The following PTPRD variants were observed in gnomAD, a reference collection of about 807,000 sequenced individuals.
PTPRD encodes the protein protein tyrosine phosphatase receptor type D.
Under a neutral mutation model 214.5 loss-of-function variants are expected in PTPRD, and 34 were observed. That is an observed-to-expected ratio of 0.16 (90% confidence interval 0.12 to 0.21). The LOEUF (loss-of-function observed/expected upper bound fraction) is 0.21. Ranked by LOEUF, PTPRD falls within the 10% of genes least tolerant of loss-of-function variation. PTPRD has a pLI of 1.00. For missense variants in PTPRD, 2,545 were observed against 2,398.7 expected, an observed-to-expected ratio of 1.06 and a Z score of -1.27; for synonymous variants, 1,128 against 845.7, an observed-to-expected ratio of 1.33 and a Z score of -5.79.
chr9:9,177,911 T>A (rs868308000), intron 10 of PTPRD, among the ~76,000 whole-genome samples: 6 of 152,136 alleles, frequency 3.9e-5, no homozygotes, highest in African/African-American at 7.2e-5. Flanking sequence ...CAGACACTAT[T>A]TGATACATGG....
intron 9 of PTPRD, among the ~76,000 whole-genome samples, chr9:9,189,207 G>GA (rs1569560441): frequency 6.6e-6 from 1 of 151,912 alleles, no homozygotes; most frequent in Non-Finnish European, 1.5e-5. Flanking sequence ...AGGTGCTTTT[G>GA]AAAAAATATC....
chr9:9,734,813 T>A (rs1433862616), intron 6 of PTPRD, among the ~76,000 whole-genome samples: 1 of 152,082 alleles, frequency 6.6e-6, no homozygotes, highest in African/African-American at 2.4e-5. Flanking sequence ...TAGAAAATAT[T>A]TTTTCCAATT....
chr9:9,645,765 C>A (rs1407231790), intron 7 of PTPRD, among the ~76,000 whole-genome samples: 1 of 151,872 alleles, frequency 6.6e-6, no homozygotes, highest in East Asian at 1.9e-4. Context: ...TAATATCCAC[C>A]ATTTTAACAT....
chr9:10,283,069 C>A (rs1565010419), intron 3 of PTPRD, among the ~76,000 whole-genome samples: 1 of 151,906 alleles, frequency 6.6e-6, no homozygotes, highest in Non-Finnish European at 1.5e-5. Flanking sequence ...TATTCTCCAG[C>A]TTGAAATTTA....
chr9:8,675,079 C>A (rs184569772), intron 12 of PTPRD, among the ~76,000 whole-genome samples: 1 of 152,170 alleles, frequency 6.6e-6, no homozygotes, highest in East Asian at 1.9e-4. Context: ...ATTTTAAGCA[C>A]CAATGCAGAT....
intron 7 of PTPRD, among the ~76,000 whole-genome samples, chr9:9,651,005 G>A (rs774168852): frequency 5.9e-5 from 9 of 151,542 alleles, no homozygotes; most frequent in East Asian, 1.9e-4. Context: ...ATTTATCTTC[G>A]CAAAAAGACT....
chr9:10,167,164 T>C (rs914726531), intron 3 of PTPRD, among the ~76,000 whole-genome samples: 5 of 151,668 alleles, frequency 3.3e-5, no homozygotes, highest in African/African-American at 4.8e-5. Flanking sequence ...CAGAAGCTTA[T>C]GGAGTAGTAT....
chr9:10,539,044 T>G (rs945025729), intron 2 of PTPRD, among the ~76,000 whole-genome samples: 4 of 152,196 alleles, frequency 2.6e-5, no homozygotes, highest in Admixed American at 6.5e-5. Flanking sequence ...GCATCACTCT[T>G]TCCACATTAA....
chr9:10,198,979 G>C (rs2099408798), intron 3 of PTPRD, among the ~76,000 whole-genome samples: 1 of 151,954 alleles, frequency 6.6e-6, no homozygotes, highest in Non-Finnish European at 1.5e-5. Flanking sequence ...GATGTTCACA[G>C]AGTTATGAGA....
At position 9,594,832 on chromosome 9, in the gene PTPRD, A is replaced by G. The variant is rs7860011; in HGVS notation, c.-286-20051T>C. On this transcript the variant is annotated intron_variant, in intron 7 of 45. Coordinates refer to ENST00000381196, the MANE Select transcript of PTPRD (RefSeq NM_002839.4). ...GGGAGAAAATCTTCACAATCTGTAC[A>G]TCTGACAAAGGACTAAAATACAGAA... 2.0e-3 allele frequency among the ~76,000 whole-genome samples: 297 copies of G among 152,238 alleles called. 1 individual carries two copies. Among genetic ancestry groups the G allele is most frequent in the African/African-American group, 6.9e-3 (287 of 41,570 alleles).
rs2097543681 is a variant in PTPRD, at chr9:10,051,971, G to C, written c.-544-18181C>G. 2.0e-5 allele frequency among the ~76,000 whole-genome samples: 3 copies of C among 151,952 alleles called. No individual in the cohort carries two copies. In the South Asian group the frequency reaches 6.2e-4, roughly 32 times the overall value. On this transcript the variant is annotated intron_variant, in intron 3 of 45. Coordinates refer to ENST00000381196, the MANE Select transcript of PTPRD (RefSeq NM_002839.4). ...TTTTTGTTTTTGTTTTTGAGACAAG[G>C]TTTTGCTCTGTTACCCAGGCTGGAG...
intron 5 of PTPRD, among the ~76,000 whole-genome samples, chr9:9,823,358 T>C (rs1026073178): frequency 2.6e-5 from 4 of 151,994 alleles, no homozygotes; most frequent in Non-Finnish European, 4.4e-5. Flanking sequence ...TGACACGTAC[T>C]TTTAAATGAC....
chr9:8,750,119 T>G (rs561464811), intron 11 of PTPRD, among the ~76,000 whole-genome samples: 3 of 150,924 alleles, frequency 2.0e-5, no homozygotes, highest in Admixed American at 1.3e-4. Flanking sequence ...AAAAAGCAAG[T>G]TCCCTGATAC....
intron 36 of PTPRD, among the ~76,000 whole-genome samples, chr9:8,399,588 T>G (rs1242779017): frequency 6.6e-6 from 1 of 152,178 alleles, no homozygotes; most frequent in African/African-American, 2.4e-5. Context: ...TGAAAATCAT[T>G]TCTGTGTCAT....
chr9:10,030,844 C>A (rs1410992047), intron 4 of PTPRD, among the ~76,000 whole-genome samples: 1 of 152,176 alleles, frequency 6.6e-6, no homozygotes, highest in Admixed American at 6.5e-5. Context: ...TATGGTTTGT[C>A]ATTTTATTCA....
chr9:9,362,801 T>C (rs1298692342), intron 9 of PTPRD, among the ~76,000 whole-genome samples: 3 of 151,470 alleles, frequency 2.0e-5, no homozygotes, highest in South Asian at 2.1e-4. Context: ...GCTTAACCTA[T>C]TGCCTTTTGA....
At chr9:10,073,959 AT>A (rs1466706591) in intron 3 of PTPRD, among the ~76,000 whole-genome samples, 1 of 152,174 alleles carries the variant, frequency 6.6e-6, no homozygotes, top group African/African-American at 2.4e-5. Context: ...AGAAAATTGA[AT>A]TAAAGAGAAA....
intron 2 of PTPRD, among the ~76,000 whole-genome samples, chr9:10,535,492 A>T (rs1393744076): frequency 1.3e-5 from 2 of 151,932 alleles, no homozygotes; most frequent in African/African-American, 2.4e-5. Context: ...CAACATCTTT[A>T]AAAAAAAGTG....
chr9:8,409,287 A>T (rs1459224598), intron 35 of PTPRD, among the ~76,000 whole-genome samples: 1 of 152,144 alleles, frequency 6.6e-6, no homozygotes, highest in Non-Finnish European at 1.5e-5. Context: ...AACAGCTAGC[A>T]GGGAGAGAGG....
Sources: allele counts gnomAD v4.1 joint callset (sites outside exome capture counted in the v4.1 genomes callset), GRCh38; gene constraint gnomAD v4.1.1; transcripts MANE v1.5; gene names NCBI Gene and HGNC (gene_info 2026-07-23, HGNC 2026-07-21).